Variants in DIAPH2 observed in about 807,000 individuals in gnomAD.
DIAPH2 encodes diaphanous related formin 2, also known as protein diaphanous homolog 2.
A neutral mutation model predicts 92.7 loss-of-function variants in DIAPH2; 35 were observed. That is an observed-to-expected ratio of 0.38 (90% CI 0.29 to 0.50). DIAPH2 has a LOEUF of 0.50. DIAPH2 is among the 20% of genes least tolerant of loss of function. The pLI, the probability that DIAPH2 is intolerant of heterozygous loss-of-function variation, is 0.94. For synonymous variants in DIAPH2, 301 were observed against 280.4 expected, an observed-to-expected ratio of 1.07 and a Z score of -0.73; for missense variants, 701 against 819.5, an observed-to-expected ratio of 0.86 and a Z score of 1.77.
rs1465948723 is a variant in DIAPH2, at chrX:97,069,849, A to G, written c.2051-3092A>G. ...GTATCCACTGGGATATCAGAAATTA[A>G]TAGGAGATTCCTGAACATTGCCTAT... On this transcript the variant is annotated intron_variant, in intron 17 of 26. Coordinates refer to ENST00000324765, the MANE Select transcript of DIAPH2 (RefSeq NM_006729.5). 2.7e-5 allele frequency among the ~76,000 whole-genome samples: 3 copies of G among 112,257 alleles called. No homozygotes were observed. The Admixed American group carries it at 2.8e-4, about 11-fold the overall frequency.
chrX:97,369,061 C>T (rs1336326363), intron 24 of DIAPH2, among the ~76,000 whole-genome samples: 1 of 109,892 alleles, frequency 9.1e-6, no homozygotes, highest in Non-Finnish European at 1.9e-5. Context: ...GCATGCACAA[C>T]CACGCCTGGC....
chrX:96,738,018 A>C (rs2064097726), intron 2 of DIAPH2, among the ~76,000 whole-genome samples: 1 of 111,968 alleles, frequency 8.9e-6, no homozygotes, highest in African/African-American at 3.2e-5. Context: ...GAGACCAAGT[A>C]AACTTTCACA....
Position 97,073,802 on chromosome X carries a change from A to T in DIAPH2, c.2152+760A>T, listed in dbSNP as rs779407088. Among the ~76,000 whole-genome samples, 5 of 112,552 alleles carry T rather than the reference A, an allele frequency of 4.4e-5. No individual in the cohort carries two copies. The East Asian group carries it at 1.4e-3, about 32-fold the overall frequency. On this transcript the variant is annotated intron_variant, in intron 18 of 26. Transcript: ENST00000324765. ...AGGGAATCATTACAATAAACAAAACATCATTCTCATGTCAGTAGAAATGTT... is the reference window on the plus strand; with the variant it reads ...AGGGAATCATTACAATAAACAAAACTTCATTCTCATGTCAGTAGAAATGTT...
chrX:96,844,866 C>A (rs765250530), intron 4 of DIAPH2, among the ~76,000 whole-genome samples: 1 of 112,121 alleles, frequency 8.9e-6, no homozygotes, highest in Non-Finnish European at 1.9e-5. Flanking sequence ...ATTACACAAG[C>A]TAGAGCTCTT....
chrX:97,072,350 A>T (rs775972402), intron 17 of DIAPH2, among the ~76,000 whole-genome samples: 1 of 112,392 alleles, frequency 8.9e-6, no homozygotes, highest in African/African-American at 3.2e-5. Context: ...TCAAATAGCG[A>T]GGGATACAAA....
At chrX:97,301,444 T>C (rs983657455) in intron 23 of DIAPH2, among the ~76,000 whole-genome samples, 15 of 111,606 alleles carry the variant, frequency 1.3e-4, no homozygotes, top group African/African-American at 3.0e-4. Flanking sequence ...TCAAAATGGC[T>C]TGTAGCAAGG....
At chrX:97,065,019 A>G (rs762795987) in intron 17 of DIAPH2, among the ~76,000 whole-genome samples, 1 of 111,429 alleles carries the variant, frequency 9.0e-6, no homozygotes, top group East Asian at 2.9e-4. Context: ...CCTGTGTGTG[A>G]TGAATGCCCA....
At chrX:96,736,353 G>A (rs2064087677) in intron 2 of DIAPH2, among the ~76,000 whole-genome samples, 1 of 110,039 alleles carries the variant, frequency 9.1e-6, no homozygotes, top group Middle Eastern at 4.7e-3. Flanking sequence ...ATAATTTAAA[G>A]TAGTGATAGT....
In DIAPH2 at chrX:96,957,838, T is replaced by C; in HGVS notation, c.1625T>C (p.Leu542Pro). 1 of 1,203,765 alleles carries C rather than the reference T, an allele frequency of 8.3e-7. No homozygotes were observed. Among genetic ancestry groups the C allele is most frequent in the South Asian group, 1.8e-5 (1 of 56,620 alleles). Residue 542 changes from leucine to proline, a missense_variant, in exon 16 of 27, where the codon CTC becomes CCC. Leu to Pro is a moderately conservative substitution (Grantham distance 98). Coordinates refer to ENST00000324765, the MANE Select transcript of DIAPH2 (RefSeq NM_006729.5). The part of the protein sequence containing the change: ...IQQLRTQAQV[L>P]SSSSGIPGPP... ...TTATTTATATTTCAGGCACAAGTAC[T>C]CTCAAGTTCATCAGGAATTCCAGGT...
rs1216389412 is a variant in DIAPH2 at position 97,603,280 on chromosome X, TGAG to T, written c.*3965_*3967del. On this transcript the variant is annotated 3_prime_UTR_variant, in exon 27 of 27. Transcript: ENST00000324765. ...AAAATTTTTTTTAATGTATTAGAGATGAGGTCTCACTCTGTCACCCAGGCTGCA... is the reference window on the plus strand; with the variant it reads ...AAAATTTTTTTTAATGTATTAGAGATGTCTCACTCTGTCACCCAGGCTGCA... 11 of 110,721 alleles carry T rather than the reference TGAG, an allele frequency of 9.9e-5. No homozygotes were observed. Among genetic ancestry groups the T allele is most frequent in the African/African-American group, 3.3e-4 (10 of 30,387 alleles). The allele number at this position is 110,721 out of a possible 1,213,427, so 9.1% of individuals were successfully genotyped here.
intron 9 of DIAPH2, among the ~76,000 whole-genome samples, chrX:96,920,016 G>A (rs1388008229): frequency 1.8e-5 from 2 of 110,095 alleles, no homozygotes; most frequent in African/African-American, 6.6e-5. Flanking sequence ...AAGTAGCTGG[G>A]ATTACAGGCA....
chrX:97,042,399 A>G (rs754105931), intron 17 of DIAPH2, among the ~76,000 whole-genome samples: 183 of 111,781 alleles, frequency 1.6e-3, no homozygotes, highest in African/African-American at 5.8e-3. Context: ...TTATGTTTTC[A>G]TTGAGTGAAT....
intron 1 of DIAPH2, among the ~76,000 whole-genome samples, chrX:96,727,761 C>A (rs1478183649): frequency 2.7e-5 from 3 of 111,729 alleles, no homozygotes; most frequent in African/African-American, 9.8e-5. Context: ...TGTTAGGGAA[C>A]TTGTTTTCTA....
chrX:96,860,120 G>A (rs1485417777), intron 4 of DIAPH2, among the ~76,000 whole-genome samples: 2 of 112,137 alleles, frequency 1.8e-5, no homozygotes, highest in African/African-American at 3.2e-5. Flanking sequence ...AAACATTGAA[G>A]TGAAAATATT....
chrX:97,001,746 T>A (rs1602704512), intron 17 of DIAPH2, among the ~76,000 whole-genome samples: 1 of 111,821 alleles, frequency 8.9e-6, no homozygotes, highest in Non-Finnish European at 1.9e-5. Flanking sequence ...GTATCTTTTT[T>A]TATTTTTTTA....
intron 26 of DIAPH2, chrX:97,449,783 G>T (rs1264957853): frequency 9.4e-6 from 3 of 318,758 alleles, no homozygotes; most frequent in Non-Finnish European, 1.2e-5. Flanking sequence ...CCCTTTAGTG[G>T]GTCCCATTGT....
At chrX:96,907,351 G>A (rs954813774) in intron 5 of DIAPH2, among the ~76,000 whole-genome samples, 13 of 112,055 alleles carry the variant, frequency 1.2e-4, no homozygotes, top group East Asian at 2.8e-4. Flanking sequence ...ATAATGAAAC[G>A]TATGTTTGTC....
At chrX:97,568,769 T>G (rs1321968309) in intron 26 of DIAPH2, among the ~76,000 whole-genome samples, 1 of 112,061 alleles carries the variant, frequency 8.9e-6, no homozygotes, top group Non-Finnish European at 1.9e-5. Context: ...TATCTCCTTT[T>G]ACTCTAGTCA....
In DIAPH2 at chrX:96,685,026, G is replaced by C; in HGVS notation, c.-33G>C. ...GCTTTCTCAGTTGAGGAGAGGTGGG[G>C]TTACAGGGCACAGGTGACAGGGCCG... On this transcript the variant is annotated 5_prime_UTR_variant, in exon 1 of 27. Transcript: ENST00000324765. 1 of 974,706 alleles carries C rather than the reference G, an allele frequency of 1.0e-6. No homozygotes were observed. The allele number at this position is 974,706 out of a possible 1,213,427, so 80.3% of individuals were successfully genotyped here.
Sources: gnomAD v4.1 joint callset for allele counts (sites outside exome capture counted in the v4.1 genomes callset) on GRCh38, gnomAD v4.1.1 for gene constraint, MANE v1.5 for transcripts, NCBI Gene and HGNC (gene_info 2026-07-23, HGNC 2026-07-21) for gene names.